KDM4C: variants seen among roughly 807,000 people sequenced by gnomAD.
KDM4C encodes lysine-specific demethylase 4C.
KDM4C carries 81 observed loss-of-function variants against 129.3 expected under a neutral mutation model. That is an observed-to-expected ratio of 0.63 (90% CI 0.52 to 0.75). The LOEUF is 0.75. Ranked by LOEUF, KDM4C falls within the 30% of genes least tolerant of loss-of-function variation. KDM4C has a pLI of 0.00. For synonymous variants in KDM4C, 573 were observed against 456.1 expected (o/e 1.26, Z -3.26); for missense variants, 1,457 against 1,304.0 (o/e 1.12, Z -1.81).
Position 6,809,554 on chromosome 9 carries a change from A to G in KDM4C, c.320+3780A>G, listed in dbSNP as rs146391709. On this transcript the variant is annotated intron_variant, in intron 3 of 21. Coordinates refer to ENST00000381309, the MANE Select transcript of KDM4C (RefSeq NM_015061.6). ...GTCATAACTGCCATAGGAAAGGTAC[A>G]AAGTGCTATGAGGTTTCAAAGGAAT... Among the ~76,000 whole-genome samples, 58 of 152,354 alleles carry G rather than the reference A, an allele frequency of 3.8e-4. No homozygotes were observed. The East Asian group carries it at 9.2e-3, about 24-fold the overall frequency.
intron 11 of KDM4C, among the ~76,000 whole-genome samples, chr9:6,987,298 C>A (rs1337529652): frequency 6.6e-6 from 1 of 152,158 alleles, no homozygotes; most frequent in Non-Finnish European, 1.5e-5. Flanking sequence ...GGCCCTTTGC[C>A]TCTGAGAAAA....
intron 17 of KDM4C, 76 bp from the exon 18 acceptor site, chr9:7,103,609 T>A: frequency 1.0e-6 from 1 of 972,060 alleles, no homozygotes; most frequent in Non-Finnish European, 1.6e-6. Context: ...CTCTAGTAGC[T>A]ATTGTTCTGT....
rs117913338 is a variant in KDM4C, at chr9:7,123,677, G to C, written c.2611-4389G>C. Among the ~76,000 whole-genome samples the C allele has an allele frequency of 7.5e-4, 115 of 152,354 alleles. 5 individuals are homozygous for C. The East Asian group carries it at 0.016, about 21-fold the overall frequency. On this transcript the variant is annotated intron_variant, in intron 18 of 21. Transcript: ENST00000381309. ...GTCATTAAAGGGATGGTAACTGAAAGAGTCATGTGGCCAGGGTCTTAAGAG... is the reference window on the plus strand; with the variant it reads ...GTCATTAAAGGGATGGTAACTGAAACAGTCATGTGGCCAGGGTCTTAAGAG...
chr9:6,883,627 G>C (rs1163539868), intron 6 of KDM4C, among the ~76,000 whole-genome samples: 1 of 152,210 alleles, frequency 6.6e-6, no homozygotes, highest in African/African-American at 2.4e-5. Flanking sequence ...TCATTTGTGA[G>C]TGAAAGACTT....
At chr9:7,017,911 A>G (rs1051241530) in intron 15 of KDM4C, among the ~76,000 whole-genome samples, 4 of 152,186 alleles carry the variant, frequency 2.6e-5, no homozygotes, top group Admixed American at 1.3e-4. Context: ...TATTGCTGGC[A>G]TTCACTTTGG....
At chr9:7,102,908 T>C (rs550139006) in intron 17 of KDM4C, among the ~76,000 whole-genome samples, 2 of 152,222 alleles carry the variant, frequency 1.3e-5, no homozygotes, top group Admixed American at 1.3e-4. Context: ...TTTAGTGAAG[T>C]TGTTTTTCTC....
In KDM4C at chr9:6,986,553, G is replaced by C. The variant is rs769954203; in HGVS notation, c.1564G>C (p.Gly522Arg). ...ESCSSVAESN[G>R]VLTEGEESDV... The stretch of plus-strand genomic sequence containing the variant: ...ATGCTCATCAGTGGCAGAGAGTAAT[G>C]GTGTGTTAACAGAGGGAGAAGAGAG... The change falls in exon 11 of 22, where the codon GGT becomes CGT. Residue 522 changes from glycine to arginine, a missense_variant. Physicochemically the swap from Gly to Arg is moderately radical, Grantham distance 125. Transcript: ENST00000381309. 6.2e-7 allele frequency: 1 copy of C among 1,614,084 alleles called. No individual in the cohort carries two copies. The highest frequency in any genetic ancestry group is 1.1e-5 in the South Asian group (1 of 91,068).
intron 5 of KDM4C, among the ~76,000 whole-genome samples, chr9:6,871,674 G>A (rs1842839265): frequency 6.6e-6 from 1 of 152,168 alleles, no homozygotes; most frequent in African/African-American, 2.4e-5. Context: ...CAAAAAAGGT[G>A]CAAAGTACAT....
intron 19 of KDM4C, among the ~76,000 whole-genome samples, chr9:7,146,659 CT>C (rs1304838926): frequency 1.3e-5 from 2 of 152,152 alleles, no homozygotes; most frequent in Non-Finnish European, 2.9e-5. Context: ...CTACTCATTC[CT>C]TTGTTCCCTA....
In KDM4C at chr9:6,739,788, G is replaced by A. The variant is rs116472984; in HGVS notation, c.49+18791G>A. ...AAGGAGGAAGGATTGCTAGGAGTTCGAGACTGCCCTGGGCAACATAGCATG... is the reference window on the plus strand; with the variant it reads ...AAGGAGGAAGGATTGCTAGGAGTTCAAGACTGCCCTGGGCAACATAGCATG... On this transcript the variant is annotated intron_variant, in intron 1 of 17. Transcript: ENST00000536108. Among the ~76,000 whole-genome samples, 1,447 of 152,136 alleles carry A rather than the reference G, an allele frequency of 9.5e-3. 22 individuals are homozygous for A. The highest frequency in any genetic ancestry group is 0.033 in the African/African-American group (1,377 of 41,534).
chr9:7,128,044 T>G (rs1840206338), intron 18 of KDM4C, 22 bp from the exon 19 acceptor site: 1 of 1,451,202 alleles, frequency 6.9e-7, no homozygotes, highest in African/African-American at 1.5e-5. Flanking sequence ...CTTTTCTTCC[T>G]TTTTTGTGTC....
intron 8 of KDM4C, chr9:6,925,448 C>G (rs1822304896): frequency 3.6e-6 from 3 of 826,792 alleles, no homozygotes. Flanking sequence ...TTCCTCTTCC[C>G]CCTTCCCCCT....
chr9:7,145,935 C>G (rs1225119083), intron 19 of KDM4C, among the ~76,000 whole-genome samples: 1 of 152,240 alleles, frequency 6.6e-6, no homozygotes, highest in African/African-American at 2.4e-5. Flanking sequence ...CAGTGTCCCA[C>G]TGAAGATGTT....
At chr9:6,762,930 G>A (rs1377896901) in intron 1 of KDM4C, among the ~76,000 whole-genome samples, 1 of 151,754 alleles carries the variant, frequency 6.6e-6, no homozygotes, top group Non-Finnish European at 1.5e-5. Flanking sequence ...ATTACTGGGG[G>A]ATTACAGGCA....
At chr9:7,046,789 A>G (rs976843154) in intron 15 of KDM4C, 73 bp from the exon 16 acceptor site, 2 of 987,030 alleles carry the variant, frequency 2.0e-6, no homozygotes, top group South Asian at 2.6e-5. Context: ...GATCTCTGAG[A>G]ATATTTAGAT....
At chr9:7,089,581 C>G (rs193067922) in intron 17 of KDM4C, among the ~76,000 whole-genome samples, 2 of 152,300 alleles carry the variant, frequency 1.3e-5, no homozygotes, top group Admixed American at 1.3e-4. Context: ...ACACAATACT[C>G]TTGTGAGGTA....
chr9:6,836,809 C>T (rs1222103977), intron 4 of KDM4C, among the ~76,000 whole-genome samples: 1 of 151,912 alleles, frequency 6.6e-6, no homozygotes, highest in East Asian at 1.9e-4. Flanking sequence ...GTATAATATT[C>T]TACTTTGTGA....
At chr9:6,974,321 G>A (rs144651137) in intron 8 of KDM4C, among the ~76,000 whole-genome samples, 26 of 152,126 alleles carry the variant, frequency 1.7e-4, no homozygotes, top group South Asian at 4.1e-4. Flanking sequence ...TATATATAAC[G>A]TTATATTCAA....
intron 8 of KDM4C, among the ~76,000 whole-genome samples, chr9:6,966,173 A>T (rs992941149): frequency 6.6e-6 from 1 of 152,150 alleles, no homozygotes; most frequent in Non-Finnish European, 1.5e-5. Context: ...ACAAAGTAAG[A>T]ATTTCCACTC....
Sources: gnomAD v4.1 joint callset for allele counts (sites outside exome capture counted in the v4.1 genomes callset) on GRCh38, gnomAD v4.1.1 for gene constraint, MANE v1.5 for transcripts, NCBI Gene and HGNC (gene_info 2026-07-23, HGNC 2026-07-21) for gene names.